PPP3R1: variants seen among roughly 807,000 people sequenced by gnomAD.
PPP3R1 encodes the protein calcineurin subunit B type 1.
In PPP3R1, 5 loss-of-function variants were observed where a neutral mutation model predicts 22.6. That is an observed-to-expected ratio of 0.22 (90% confidence interval 0.12 to 0.46). PPP3R1 has a LOEUF of 0.46. PPP3R1 is among the 20% of genes least tolerant of loss of function. PPP3R1 has a pLI of 0.99. For missense variants in PPP3R1, 61 were observed against 203.2 expected, an observed-to-expected ratio of 0.30 and a Z score of 4.25; for synonymous variants, 56 against 65.2, an observed-to-expected ratio of 0.86 and a Z score of 0.68.
chr2:68,229,785 T>C (rs1213017300), intron 1 of PPP3R1, among the ~76,000 whole-genome samples: 2 of 150,504 alleles, frequency 1.3e-5, no homozygotes, highest in Non-Finnish European at 2.9e-5. Flanking sequence ...ATTGTTACAT[T>C]TAAAGTAAAT....
intron 5 of PPP3R1, among the ~76,000 whole-genome samples, chr2:68,184,968 C>T (rs1404223874): frequency 2.6e-5 from 4 of 152,152 alleles, no homozygotes; most frequent in Admixed American, 6.5e-5. Flanking sequence ...CGCCTATAAT[C>T]CCAGCACTTT....
At chr2:68,188,757 G>C (rs1432637376) in intron 2 of PPP3R1, 67 bp from the exon 3 acceptor site, 1 of 1,392,652 alleles carries the variant, frequency 7.2e-7, no homozygotes, top group Non-Finnish European at 9.5e-7. Flanking sequence ...CTAATGGGCA[G>C]TAGCAAGATT....
intron 2 of PPP3R1, among the ~76,000 whole-genome samples, chr2:68,191,074 T>C (rs374090240): frequency 2.0e-5 from 3 of 152,228 alleles, no homozygotes; most frequent in East Asian, 3.8e-4. Context: ...CTAGAACACA[T>C]GTATCAGAAA....
chr2:68,223,716 C>T (rs1026348873), intron 1 of PPP3R1, among the ~76,000 whole-genome samples: 2 of 144,692 alleles, frequency 1.4e-5, no homozygotes, highest in Admixed American at 7.0e-5. Flanking sequence ...AGGTTATCTA[C>T]AAAAATTCTT....
chr2:68,230,070 G>A (rs1408483217), intron 1 of PPP3R1, among the ~76,000 whole-genome samples: 1 of 151,684 alleles, frequency 6.6e-6, no homozygotes, highest in African/African-American at 2.4e-5. Context: ...TTGGCTCACT[G>A]CATTCTCCAC....
rs549430241 is a variant in PPP3R1, at chr2:68,196,837, G to A, written c.44-8147C>T. Among the ~76,000 whole-genome samples, 7 of 152,082 alleles carry A rather than the reference G, an allele frequency of 4.6e-5. No homozygotes were observed. In the East Asian group the frequency reaches 1.4e-3, roughly 29 times the overall value. On this transcript the variant is annotated intron_variant, in intron 2 of 5. Transcript: ENST00000234310. ...CCTCCTGGGTTCAAGCAATTCTTCTGCCTCAGCCTCCGGGGTAGCTGAGAT... is the reference window on the plus strand; with the variant it reads ...CCTCCTGGGTTCAAGCAATTCTTCTACCTCAGCCTCCGGGGTAGCTGAGAT...
intron 2 of PPP3R1, among the ~76,000 whole-genome samples, chr2:68,203,597 G>A (rs1308838423): frequency 8.7e-6 from 1 of 115,036 alleles, no homozygotes; most frequent in Non-Finnish European, 1.7e-5. Flanking sequence ...AAGAAACTCT[G>A]TCTCAAAAAA....
intron 1 of PPP3R1, among the ~76,000 whole-genome samples, chr2:68,231,985 C>T (rs1445138523): frequency 2.7e-5 from 4 of 150,776 alleles, no homozygotes; most frequent in African/African-American, 9.7e-5. Context: ...TTAGGCTGGG[C>T]GCCGTGGCTC....
chr2:68,192,239 T>C (rs570086592), intron 2 of PPP3R1, among the ~76,000 whole-genome samples: 3 of 152,262 alleles, frequency 2.0e-5, no homozygotes, highest in East Asian at 3.9e-4. Flanking sequence ...TAGTTAATTA[T>C]TTTCTTCTTC....
At chr2:68,211,426 C>A (rs1284553650) in intron 2 of PPP3R1, among the ~76,000 whole-genome samples, 27 of 71,652 alleles carry the variant, frequency 3.8e-4, no homozygotes, top group South Asian at 2.1e-3. Context: ...AAAAAAAAAA[C>A]TCTATTGCTA....
In PPP3R1 at chr2:68,180,883, G is replaced by C; in HGVS notation, c.*80C>G. 1 of 1,368,926 alleles carries C rather than the reference G, an allele frequency of 7.3e-7. No individual in the cohort carries two copies. Among genetic ancestry groups the C allele is most frequent in the East Asian group, 2.3e-5 (1 of 42,990 alleles). The allele number at this position is 1,368,926 out of a possible 1,614,324, so 84.8% of individuals were successfully genotyped here. A position where few individuals can be genotyped will look rare whatever the true frequency, so the allele number is the denominator to read the frequency against. On this transcript the variant is annotated 3_prime_UTR_variant, in exon 6 of 6. Coordinates refer to ENST00000234310, the MANE Select transcript of PPP3R1 (RefSeq NM_000945.4). The stretch of plus-strand genomic sequence containing the variant: ...AAATACTTCCATTTAAATACACAGA[G>C]AGCATTGCTGGACGTCTTGAGCAGA...
Position 68,180,885 on chromosome 2 carries a change from G to C in PPP3R1, c.*78C>G. The C allele has an allele frequency of 3.6e-6, 5 of 1,374,910 alleles. No individual in the cohort carries two copies. The highest frequency in any genetic ancestry group is 1.8e-5 in the Admixed American group (1 of 55,400). The allele number at this position is 1,374,910 out of a possible 1,614,324, so 85.2% of individuals were successfully genotyped here. A position where few individuals can be genotyped will look rare whatever the true frequency, so the allele number is the denominator to read the frequency against. Reference sequence around the variant, plus strand: ...ATACTTCCATTTAAATACACAGAGAGCATTGCTGGACGTCTTGAGCAGATC... The same window carrying C: ...ATACTTCCATTTAAATACACAGAGACCATTGCTGGACGTCTTGAGCAGATC... On this transcript the variant is annotated 3_prime_UTR_variant, in exon 6 of 6. Transcript: ENST00000234310.
At chr2:68,188,489 T>C (rs920115951) in intron 3 of PPP3R1, 25 bp downstream of exon 3, 15 of 1,543,956 alleles carry the variant, frequency 9.7e-6, no homozygotes, top group Non-Finnish European at 1.3e-5. Flanking sequence ...TAACTTGTGG[T>C]TATAAAAAAT....
chr2:68,235,412 T>C (rs115550256), intron 1 of PPP3R1, among the ~76,000 whole-genome samples: 2 of 152,330 alleles, frequency 1.3e-5, no homozygotes, highest in African/African-American at 4.8e-5. Context: ...ATCTACTTTC[T>C]GGCTCTACAT....
intron 1 of PPP3R1, among the ~76,000 whole-genome samples, chr2:68,220,737 TA>T (rs1421658313): frequency 8.5e-5 from 13 of 152,280 alleles, no homozygotes; most frequent in Non-Finnish European, 1.9e-4. Flanking sequence ...AAAATCATGG[TA>T]AGTAAAAGAA....
chr2:68,209,358 C>CA (rs777851469), intron 2 of PPP3R1, among the ~76,000 whole-genome samples: 1,175 of 41,682 alleles, frequency 0.028, 244 homozygotes, highest in Middle Eastern at 0.062. Flanking sequence ...GACTCTGTCT[C>CA]AAAAAAAAAA....
intron 1 of PPP3R1, among the ~76,000 whole-genome samples, chr2:68,242,457 T>C (rs1670154982): frequency 6.7e-6 from 1 of 149,478 alleles, no homozygotes; most frequent in Admixed American, 6.6e-5. Context: ...AAACAAGAAA[T>C]GTACGAACAG....
At chr2:68,252,087 G>T in intron 1 of PPP3R1, 38 bp downstream of exon 1, 1 of 1,408,172 alleles carries the variant, frequency 7.1e-7, no homozygotes, top group Non-Finnish European at 9.4e-7. Flanking sequence ...GGCGGCAGTA[G>T]GGGGAGGGAT....
chr2:68,183,003 C>T, intron 5 of PPP3R1, among the ~76,000 whole-genome samples: 1 of 152,158 alleles, frequency 6.6e-6, no homozygotes, highest in South Asian at 2.1e-4. Flanking sequence ...TGTCTCCAGG[C>T]CTGTCATCTC....
Sources: allele counts gnomAD v4.1 joint callset (sites outside exome capture counted in the v4.1 genomes callset), GRCh38; gene constraint gnomAD v4.1.1; transcripts MANE v1.5; gene names NCBI Gene and HGNC (gene_info 2026-07-23, HGNC 2026-07-21).